GRIK1: variants seen among roughly 807,000 people sequenced by gnomAD.
The protein encoded by GRIK1 is glutamate receptor ionotropic, kainate 1.
GRIK1 carries 69 observed loss-of-function variants against 105.7 expected under a neutral mutation model. The observed-to-expected ratio is 0.65, with a 90% CI of 0.54 to 0.80. GRIK1 has a LOEUF of 0.80. GRIK1 is among the 30% of genes least tolerant of loss of function. GRIK1 has a pLI of 0.00. For synonymous variants in GRIK1, 438 were observed against 431.3 expected (o/e 1.02, Z -0.19); for missense variants, 1,109 against 1,167.3 (o/e 0.95, Z 0.73).
At chr21:29,600,209 A>G (rs1408652082) in intron 7 of GRIK1, among the ~76,000 whole-genome samples, 1 of 152,194 alleles carries the variant, frequency 6.6e-6, no homozygotes, top group Non-Finnish European at 1.5e-5. Context: ...TTAATCACCT[A>G]TGCAAAGGCC....
chr21:29,771,205 A>G (rs951660976), intron 1 of GRIK1, among the ~76,000 whole-genome samples: 1 of 152,138 alleles, frequency 6.6e-6, no homozygotes, highest in African/African-American at 2.4e-5. Flanking sequence ...TCAACATTTT[A>G]TTTTATCTGA....
intron 2 of GRIK1, among the ~76,000 whole-genome samples, chr21:29,691,342 A>G (rs79358927): frequency 0.079 from 12,080 of 152,190 alleles, 993 homozygotes; most frequent in African/African-American, 0.2. Flanking sequence ...CCCCCAAAAC[A>G]TTTAAGCTGC....
At chr21:29,545,969 C>G (rs2090044271) in intron 16 of GRIK1, among the ~76,000 whole-genome samples, 1 of 152,232 alleles carries the variant, frequency 6.6e-6, no homozygotes, top group South Asian at 2.1e-4. Context: ...CTCTCCACAT[C>G]CCTTCTCTCT....
intron 1 of GRIK1, among the ~76,000 whole-genome samples, chr21:29,750,307 G>A (rs1311179606): frequency 8.6e-6 from 1 of 116,124 alleles, no homozygotes; most frequent in Non-Finnish European, 1.6e-5. Flanking sequence ...CTTTCTTTCT[G>A]AATATGTACC....
At chr21:29,721,488 G>A (rs946089317) in intron 1 of GRIK1, among the ~76,000 whole-genome samples, 7 of 151,452 alleles carry the variant, frequency 4.6e-5, no homozygotes, top group African/African-American at 1.5e-4. Flanking sequence ...CATGAAAAGG[G>A]CCTTAGGAAG....
At chr21:29,687,685 G>T (rs1601453710) in intron 3 of GRIK1, among the ~76,000 whole-genome samples, 1 of 152,272 alleles carries the variant, frequency 6.6e-6, no homozygotes, top group Non-Finnish European at 1.5e-5. Flanking sequence ...ATGATAGTTT[G>T]GTGTTTGCTT....
At chr21:29,779,063 A>G (rs757002096) in intron 1 of GRIK1, among the ~76,000 whole-genome samples, 5 of 152,210 alleles carry the variant, frequency 3.3e-5, no homozygotes, top group Non-Finnish European at 4.4e-5. Flanking sequence ...GATCTCACAG[A>G]TAGGCTACCC....
At chr21:29,657,179 C>A (rs1262356465) in intron 4 of GRIK1, among the ~76,000 whole-genome samples, 1 of 152,128 alleles carries the variant, frequency 6.6e-6, no homozygotes, top group Admixed American at 6.5e-5. Flanking sequence ...GGGCAGGTTT[C>A]ATGTGAGGAT....
intron 4 of GRIK1, among the ~76,000 whole-genome samples, chr21:29,668,157 TGTA>T (rs2063096288): frequency 6.6e-6 from 1 of 152,186 alleles, no homozygotes; most frequent in Admixed American, 6.5e-5. Context: ...GTGTGTCAAA[TGTA>T]GTAGGTGCTA....
intron 3 of GRIK1, among the ~76,000 whole-genome samples, chr21:29,679,574 A>G (rs1235298045): frequency 6.6e-6 from 1 of 152,106 alleles, no homozygotes; most frequent in Non-Finnish European, 1.5e-5. Flanking sequence ...TGAAACTCAA[A>G]CTTAACATAT....
chr21:29,720,018 T>C (rs1184596718), intron 1 of GRIK1, among the ~76,000 whole-genome samples: 1 of 152,216 alleles, frequency 6.6e-6, no homozygotes, highest in Admixed American at 6.5e-5. Flanking sequence ...AGGAAAAGGA[T>C]CCAAGCTGCT....
chr21:29,807,112 A>G (rs1004099117), intron 1 of GRIK1, among the ~76,000 whole-genome samples: 3 of 152,156 alleles, frequency 2.0e-5, no homozygotes, highest in African/African-American at 7.2e-5. Flanking sequence ...CAGTGTGTTC[A>G]CAATCAGCAT....
At chr21:29,853,511 G>A (rs891286418) in intron 1 of GRIK1, among the ~76,000 whole-genome samples, 4 of 152,224 alleles carry the variant, frequency 2.6e-5, no homozygotes, top group Non-Finnish European at 5.9e-5. Flanking sequence ...ATTGCCTCCA[G>A]TGGAGAATCA....
chr21:29,795,028 A>ATTT (rs66697777), intron 1 of GRIK1, among the ~76,000 whole-genome samples: 47 of 85,208 alleles, frequency 5.5e-4, no homozygotes, highest in African/African-American at 1.8e-3. Context: ...TTTGCTCTAA[A>ATTT]TTTTTTTTTT....
chr21:29,884,138 A>C (rs1229854470), intron 1 of GRIK1, among the ~76,000 whole-genome samples: 2 of 151,972 alleles, frequency 1.3e-5, no homozygotes, highest in Non-Finnish European at 2.9e-5. Context: ...TGCCCATATC[A>C]CTGTTCGATA....
intron 1 of GRIK1, among the ~76,000 whole-genome samples, chr21:29,765,857 C>T (rs1601636882): frequency 6.8e-6 from 1 of 146,576 alleles, no homozygotes; most frequent in African/African-American, 2.5e-5. Context: ...GAAAATTCTT[C>T]TTTTTTTTTT....
rs1340092106 is a variant in GRIK1, at chr21:29,712,079, T to TACACACAC, written c.119-18017_119-18016insGTGTGTGT. ...ATACGTATATAAGTATATGTATACATACATACACACACACACACACACACA... is the reference window on the plus strand; with the variant it reads ...ATACGTATATAAGTATATGTATACATACACACACACATACACACACACACACACACACA... On this transcript the variant is annotated intron_variant, in intron 1 of 17. Transcript: ENST00000327783. Among the ~76,000 whole-genome samples the TACACACAC allele has an allele frequency of 2.6e-3, 79 of 30,338 alleles. 2 individuals carry two copies. The highest frequency in any genetic ancestry group is 3.9e-3 in the Admixed American group (10 of 2,558). 19.9% of individuals were successfully genotyped at this position (30,338 alleles called of 152,430 possible).
intron 1 of GRIK1, among the ~76,000 whole-genome samples, chr21:29,710,887 C>T (rs2064034252): frequency 6.8e-6 from 1 of 147,936 alleles, no homozygotes; most frequent in South Asian, 2.2e-4. Context: ...CAACCACCCT[C>T]CTTCCCTTTC....
chr21:29,733,958 G>A (rs2064703678), intron 1 of GRIK1, among the ~76,000 whole-genome samples: 1 of 151,970 alleles, frequency 6.6e-6, no homozygotes, highest in Non-Finnish European at 1.5e-5. Context: ...TATTTACTAT[G>A]TATTTTTAAT....
Sources: gnomAD v4.1 joint callset for allele counts (sites outside exome capture counted in the v4.1 genomes callset) on GRCh38, gnomAD v4.1.1 for gene constraint, MANE v1.5 for transcripts, NCBI Gene and HGNC (gene_info 2026-07-23, HGNC 2026-07-21) for gene names.